Variants in SAMSN1 observed in about 807,000 individuals in gnomAD.
SAMSN1 encodes SAM domain, SH3 domain and nuclear localization signals 1, also known as SAM domain-containing protein SAMSN-1.
Under a neutral mutation model 42.0 loss-of-function variants are expected in SAMSN1, and 31 were observed. The observed-to-expected ratio is 0.74, with a 90% CI of 0.55 to 1.00. The LOEUF (loss-of-function observed/expected upper bound fraction) is 1.00. Ranked by LOEUF, SAMSN1 falls within the 50% of genes least tolerant of loss-of-function variation. SAMSN1 has a pLI of 0.00. For synonymous variants in SAMSN1, 178 were observed against 151.9 expected (o/e 1.17, Z -1.26); for missense variants, 464 against 439.4 (o/e 1.06, Z -0.50).
At chr21:14,544,217 A>C (rs1306324116) in intron 1 of SAMSN1, among the ~76,000 whole-genome samples, 1 of 152,040 alleles carries the variant, frequency 6.6e-6, no homozygotes, top group Non-Finnish European at 1.5e-5. Flanking sequence ...TGCCCAGGTA[A>C]TTTTTGAATT....
At chr21:14,649,772 A>AACACACACACACAC (rs60905314) in intron 1 of SAMSN1, among the ~76,000 whole-genome samples, 8 of 135,646 alleles carry the variant, frequency 5.9e-5, no homozygotes, top group African/African-American at 1.8e-4. Flanking sequence ...ACTGTCTCAA[A>AACACACACACACAC]ACACACACAC....
chr21:14,606,791 C>T (rs1438358597), intron 5 of SAMSN1, among the ~76,000 whole-genome samples: 1 of 152,072 alleles, frequency 6.6e-6, no homozygotes, highest in African/African-American at 2.4e-5. Context: ...ACTAGATAAA[C>T]TAAAAATATT....
chr21:14,646,422 A>G (rs1165792203), intron 1 of SAMSN1, among the ~76,000 whole-genome samples: 2 of 152,210 alleles, frequency 1.3e-5, no homozygotes, highest in African/African-American at 2.4e-5. Context: ...TCTGGTGAAA[A>G]TATCTTTCAA....
intron 3 of SAMSN1, among the ~76,000 whole-genome samples, chr21:14,615,249 A>G (rs555760318): frequency 9.9e-5 from 15 of 152,172 alleles, no homozygotes; most frequent in South Asian, 2.1e-4. Flanking sequence ...TAATCACCCA[A>G]TTACCTACTT....
In SAMSN1 at chr21:14,564,006, A is replaced by G. The variant is rs751341294; in HGVS notation, c.261+18130T>C. Among the ~76,000 whole-genome samples, 5 of 152,144 alleles carry G rather than the reference A, an allele frequency of 3.3e-5. No individual in the cohort carries two copies. The South Asian group carries it at 1.0e-3, about 31-fold the overall frequency. The stretch of plus-strand genomic sequence containing the variant: ...TATACACACCTACTGGCATTCATTC[A>G]TTTTGTCATTCCTTTACCCCAACAC... On this transcript the variant is annotated intron_variant, in intron 2 of 8. Coordinates refer to the SAMSN1 transcript ENST00000285670.
intron 1 of SAMSN1, among the ~76,000 whole-genome samples, chr21:14,528,803 A>G (rs1727305789): frequency 6.6e-6 from 1 of 152,038 alleles, no homozygotes; most frequent in Admixed American, 6.6e-5. Context: ...TCATCATCTC[A>G]TTCTTCTTTC....
At chr21:14,627,493 T>C (rs1384597930) in intron 2 of SAMSN1, among the ~76,000 whole-genome samples, 1 of 152,212 alleles carries the variant, frequency 6.6e-6, no homozygotes, top group South Asian at 2.1e-4. Context: ...ATGCTCAAGA[T>C]GGAAGCACTC....
chr21:14,648,102 A>T (rs1459367788), intron 1 of SAMSN1, among the ~76,000 whole-genome samples: 3 of 151,240 alleles, frequency 2.0e-5, no homozygotes, highest in African/African-American at 4.9e-5. Flanking sequence ...TTGCCCATTC[A>T]GTATGATATT....
intron 2 of SAMSN1, among the ~76,000 whole-genome samples, chr21:14,621,128 G>A (rs1982991043): frequency 1.3e-5 from 2 of 152,188 alleles, no homozygotes; most frequent in South Asian, 2.1e-4. Context: ...AATTCCAGTA[G>A]ACATGTAGCA....
At chr21:14,630,546 C>G (rs17003822) in intron 2 of SAMSN1, among the ~76,000 whole-genome samples, 4,762 of 151,958 alleles carry the variant, frequency 0.031, 223 homozygotes, top group African/African-American at 0.1. Context: ...ATTTACGGGA[C>G]GAAACCAATT....
intron 2 of SAMSN1, among the ~76,000 whole-genome samples, chr21:14,625,949 G>C (rs925913613): frequency 9.2e-5 from 14 of 152,174 alleles, no homozygotes; most frequent in African/African-American, 3.1e-4. Context: ...CAATGGAACA[G>C]AACTGAGACC....
rs375181939 is a variant in SAMSN1 at position 14,656,562 on chromosome 21, G to A, written c.24+2186C>T. ...AGTTTTCTAAAAGCCTCATCATGAC[G>A]TAAAACTCTAAGAAAAATTGTGGAG... On this transcript the variant is annotated intron_variant, in intron 1 of 15. Transcript: ENST00000647101. Among the ~76,000 whole-genome samples, 21 of 151,838 alleles carry A rather than the reference G, an allele frequency of 1.4e-4. No individual in the cohort carries two copies. The East Asian group carries it at 3.7e-3, about 27-fold the overall frequency.
At chr21:14,501,423 A>G (rs57061183) in intron 5 of SAMSN1, among the ~76,000 whole-genome samples, 10,883 of 152,230 alleles carry the variant, frequency 0.071, 1,210 homozygotes, top group African/African-American at 0.24. Context: ...GACTTCTCAA[A>G]AGCTTGCAGG....
At chr21:14,652,411 AC>A (rs1983850906) in intron 1 of SAMSN1, among the ~76,000 whole-genome samples, 1 of 152,116 alleles carries the variant, frequency 6.6e-6, no homozygotes, top group African/African-American at 2.4e-5. Context: ...CTCATTTTTG[AC>A]AAAGATGTCA....
At chr21:14,503,328 C>G (rs1331879211) in intron 5 of SAMSN1, among the ~76,000 whole-genome samples, 6 of 152,084 alleles carry the variant, frequency 3.9e-5, no homozygotes, top group Admixed American at 1.3e-4. Flanking sequence ...CTGGTGGAAT[C>G]TAGAGGCTTA....
intron 2 of SAMSN1, among the ~76,000 whole-genome samples, chr21:14,633,576 T>G (rs1323180574): frequency 6.6e-6 from 1 of 152,212 alleles, no homozygotes; most frequent in Admixed American, 6.5e-5. Flanking sequence ...TATCCCAAGT[T>G]GAAAGTGGAG....
intron 2 of SAMSN1, among the ~76,000 whole-genome samples, chr21:14,630,499 C>T (rs1983301514): frequency 1.3e-5 from 2 of 151,886 alleles, no homozygotes; most frequent in Admixed American, 6.6e-5. Flanking sequence ...AATTAACCTT[C>T]ATCTATTGAT....
intron 2 of SAMSN1, among the ~76,000 whole-genome samples, chr21:14,564,578 A>G (rs188979552): frequency 2.8e-4 from 43 of 152,350 alleles, no homozygotes; most frequent in Admixed American, 2.5e-3. Context: ...CATGCAGAAT[A>G]AAACTCACAA....
intron 7 of SAMSN1, among the ~76,000 whole-genome samples, chr21:14,493,173 T>A (rs1214048643): frequency 6.6e-6 from 1 of 152,230 alleles, no homozygotes; most frequent in Non-Finnish European, 1.5e-5. Flanking sequence ...GAGGGGCTGC[T>A]GTGACCACAG....
Sources: allele counts gnomAD v4.1 joint callset (sites outside exome capture counted in the v4.1 genomes callset), GRCh38; gene constraint gnomAD v4.1.1; transcripts MANE v1.5; gene names NCBI Gene and HGNC (gene_info 2026-07-23, HGNC 2026-07-21).